ETV1: variants seen among roughly 807,000 people sequenced by gnomAD.
ETV1 encodes the protein ETS translocation variant 1.
A neutral mutation model predicts 62.3 loss-of-function variants in ETV1; 27 were observed. The observed-to-expected ratio is 0.43, with a 90% CI of 0.32 to 0.60. The LOEUF (loss-of-function observed/expected upper bound fraction) is 0.60. Ranked by LOEUF, ETV1 falls within the 20% of genes least tolerant of loss-of-function variation. The pLI is 0.06. For missense variants in ETV1, 605 were observed against 605.8 expected (o/e 1.00, Z 0.01); for synonymous variants, 222 against 199.6 (o/e 1.11, Z -0.94).
rs779981295 is a variant in ETV1 at position 13,909,709 on chromosome 7, G to T, written c.872-9C>A. On this transcript the variant is annotated splice_polypyrimidine_tract_variant and intron_variant, in intron 10 of 13. Coordinates refer to ENST00000430479, the MANE Select transcript of ETV1 (RefSeq NM_004956.5). ...CTTTTCAAACATACAGCCTGTGGAT[G>T]AAAAAGGAATACATTTATTCATGAT... 3.7e-6 allele frequency: 6 copies of T among 1,602,826 alleles called. No homozygotes were observed. Among genetic ancestry groups the T allele is most frequent in the Non-Finnish European group, 4.3e-6 (5 of 1,170,720 alleles).
At chr7:13,984,204 AT>A (rs1459960962) in intron 5 of ETV1, among the ~76,000 whole-genome samples, 1 of 151,992 alleles carries the variant, frequency 6.6e-6, no homozygotes, top group Non-Finnish European at 1.5e-5. Context: ...TTAACTGCCA[AT>A]GATCTTTTTT....
Position 13,891,566 on chromosome 7 carries a change from A to G in ETV1, c.*4300T>C, listed in dbSNP as rs774435559. On this transcript the variant is annotated 3_prime_UTR_variant, in exon 14 of 14. Transcript: ENST00000430479. ...ATTCTCCTCTTAAACTGTACTTTCC[A>G]TAAACTGTTTTTTTTTTAAGTATGT... 48 of 231,168 alleles carry G rather than the reference A, an allele frequency of 2.1e-4. No individual in the cohort carries two copies. The highest frequency in any genetic ancestry group is 2.8e-4 in the Non-Finnish European group (33 of 117,064). 14.3% of individuals were successfully genotyped at this position (231,168 alleles called of 1,614,324 possible). A position where few individuals can be genotyped will look rare whatever the true frequency, so the allele number is the denominator to read the frequency against.
intron 5 of ETV1, among the ~76,000 whole-genome samples, chr7:13,980,404 A>G (rs1468284683): frequency 6.6e-6 from 1 of 152,156 alleles, no homozygotes; most frequent in East Asian, 1.9e-4. Context: ...AACTTGCAGC[A>G]AGCCATACCA....
intron 6 of ETV1, among the ~76,000 whole-genome samples, chr7:13,950,899 A>AACACACACACACACACACAC (rs67539493): frequency 3.6e-5 from 5 of 138,912 alleles, no homozygotes; most frequent in African/African-American, 1.4e-4. Flanking sequence ...CTTCTCTAGG[A>AACACACACACACACACACAC]ACACACACAC....
intron 9 of ETV1, among the ~76,000 whole-genome samples, chr7:13,913,945 C>T (rs954004248): frequency 1.3e-4 from 17 of 132,188 alleles, no homozygotes; most frequent in Middle Eastern, 5.2e-3. Context: ...AGTGCAGTGC[C>T]GTGATCTCAG....
At chr7:13,930,796 ATT>A (rs112701002) in intron 9 of ETV1, among the ~76,000 whole-genome samples, 1 of 114,940 alleles carries the variant, frequency 8.7e-6, no homozygotes, top group Non-Finnish European at 2.0e-5. Context: ...ACCAATATAT[ATT>A]TTTTTTTTTT....
intron 9 of ETV1, among the ~76,000 whole-genome samples, chr7:13,915,561 G>C (rs1367466838): frequency 6.6e-6 from 1 of 152,122 alleles, no homozygotes; most frequent in Non-Finnish European, 1.5e-5. Context: ...TAAGCTCATA[G>C]TTTATGTTTA....
chr7:13,959,578 G>C (rs552099043), intron 6 of ETV1, among the ~76,000 whole-genome samples: 1 of 152,010 alleles, frequency 6.6e-6, no homozygotes, highest in Non-Finnish European at 1.5e-5. Context: ...GTCTCAAAAT[G>C]ATTGCTTAAA....
intron 3 of ETV1, 92 bp downstream of exon 3, chr7:13,988,916 A>T: frequency 6.8e-7 from 1 of 1,475,566 alleles, no homozygotes; most frequent in Non-Finnish European, 9.3e-7. Context: ...TGCAATCCCA[A>T]CCCCCGTGCC....
At chr7:13,939,582 T>A (rs1787235819) in intron 6 of ETV1, among the ~76,000 whole-genome samples, 1 of 152,172 alleles carries the variant, frequency 6.6e-6, no homozygotes, top group Admixed American at 6.5e-5. Context: ...TTCCAATGAC[T>A]AAAGCAGAAA....
intron 5 of ETV1, among the ~76,000 whole-genome samples, chr7:13,979,809 GA>G (rs1781810451): frequency 1.3e-5 from 2 of 152,112 alleles, no homozygotes; most frequent in Admixed American, 6.6e-5. Flanking sequence ...AACTGAATAT[GA>G]TGGTATGAAT....
chr7:13,929,941 G>T (rs1785895822), intron 9 of ETV1, among the ~76,000 whole-genome samples: 1 of 152,154 alleles, frequency 6.6e-6, no homozygotes, highest in Non-Finnish European at 1.5e-5. Context: ...ACGCAAACTG[G>T]TAACTCAAGA....
At chr7:13,986,033 G>C in intron 5 of ETV1, 2 of 1,103,498 alleles carry the variant, frequency 1.8e-6, no homozygotes, top group Non-Finnish European at 2.6e-6. Context: ...AACATGAATA[G>C]TAACACATGG....
chr7:13,930,695 T>C (rs1032766537), intron 9 of ETV1, among the ~76,000 whole-genome samples: 1 of 152,176 alleles, frequency 6.6e-6, no homozygotes, highest in East Asian at 1.9e-4. Flanking sequence ...ACTTTCTAGC[T>C]CACAGAGACA....
chr7:13,966,145 A>G (rs1790750086), intron 6 of ETV1, among the ~76,000 whole-genome samples: 1 of 152,230 alleles, frequency 6.6e-6, no homozygotes, highest in Non-Finnish European at 1.5e-5. Flanking sequence ...AATGAATAGG[A>G]CAATACTCTG....
In ETV1 at chr7:13,989,645, C is replaced by G; in HGVS notation, c.-367G>C. On this transcript the variant is annotated 5_prime_UTR_variant, in exon 1 of 14. Transcript: ENST00000430479. ...ATTAATTATAGCCCAGCACTTCCCC[C>G]TTGGAAGCCGAAAGCGCCTCTGACA... 1 of 399,028 alleles carries G rather than the reference C, an allele frequency of 2.5e-6. No individual in the cohort carries two copies. The highest frequency in any genetic ancestry group is 4.4e-6 in the Non-Finnish European group (1 of 226,094). The allele number at this position is 399,028 out of a possible 1,614,324, so 24.7% of individuals were successfully genotyped here. A position where few individuals can be genotyped will look rare whatever the true frequency, so the allele number is the denominator to read the frequency against.
intron 5 of ETV1, chr7:13,986,315 A>G: frequency 2.7e-6 from 4 of 1,502,892 alleles, no homozygotes; most frequent in Non-Finnish European, 3.5e-6. Context: ...CTGGAGGTAC[A>G]ATAATATAAA....
At chr7:13,922,417 A>G (rs2128438049) in intron 9 of ETV1, among the ~76,000 whole-genome samples, 1 of 152,328 alleles carries the variant, frequency 6.6e-6, no homozygotes, top group East Asian at 1.9e-4. Flanking sequence ...CTAAGATAAA[A>G]TAATGTCTTC....
At chr7:13,904,685 C>A (rs1782774120) in intron 12 of ETV1, among the ~76,000 whole-genome samples, 1 of 151,968 alleles carries the variant, frequency 6.6e-6, no homozygotes, top group African/African-American at 2.4e-5. Context: ...TTAACTGATA[C>A]AAATCCCTGT....
Sources: gnomAD v4.1 joint callset for allele counts (sites outside exome capture counted in the v4.1 genomes callset) on GRCh38, gnomAD v4.1.1 for gene constraint, MANE v1.5 for transcripts, NCBI Gene and HGNC (gene_info 2026-07-23, HGNC 2026-07-21) for gene names.